RBM47: variants seen among roughly 807,000 people sequenced by gnomAD.
The protein encoded by RBM47 is RNA-binding protein 47.
RBM47 carries 21 observed loss-of-function variants against 47.1 expected under a neutral mutation model. The ratio of observed to expected loss-of-function variants is 0.45; its 90% CI spans 0.32 to 0.64. RBM47 has a LOEUF of 0.64. Ranked by LOEUF, RBM47 falls within the 30% of genes least tolerant of loss-of-function variation. RBM47 has a pLI of 0.05. For missense variants in RBM47, 708 were observed against 870.9 expected, an observed-to-expected ratio of 0.81 and a Z score of 2.35; for synonymous variants, 375 against 361.7, an observed-to-expected ratio of 1.04 and a Z score of -0.42.
At chr4:40,544,748 T>C (rs1401515197) in intron 1 of RBM47, among the ~76,000 whole-genome samples, 1 of 152,028 alleles carries the variant, frequency 6.6e-6, no homozygotes, top group Non-Finnish European at 1.5e-5. Context: ...TTCATATTAA[T>C]TAAAAGACAC....
intron 1 of RBM47, among the ~76,000 whole-genome samples, chr4:40,579,371 G>A (rs184370948): frequency 1.5e-3 from 192 of 129,310 alleles, no homozygotes; most frequent in African/African-American, 5.3e-3. Context: ...GTAGTGAGTC[G>A]AGATCATGCC....
chr4:40,616,746 C>T (rs990837986), intron 1 of RBM47, among the ~76,000 whole-genome samples: 5 of 151,768 alleles, frequency 3.3e-5, no homozygotes, highest in African/African-American at 1.2e-4. Flanking sequence ...AAGAGACACA[C>T]AAGAAATACA....
intron 3 of RBM47, among the ~76,000 whole-genome samples, chr4:40,439,388 A>C (rs551216313): frequency 6.6e-6 from 1 of 152,230 alleles, no homozygotes; most frequent in Non-Finnish European, 1.5e-5. Flanking sequence ...ATGGAAATAC[A>C]GTGAAGATTT....
chr4:40,542,194 T>C (rs1489303950), intron 2 of RBM47, among the ~76,000 whole-genome samples: 1 of 152,234 alleles, frequency 6.6e-6, no homozygotes, highest in African/African-American at 2.4e-5. Flanking sequence ...ATCATCAGTC[T>C]GAAATCAATC....
intron 1 of RBM47, among the ~76,000 whole-genome samples, chr4:40,592,937 A>ATG (rs1336760752): frequency 2.1e-4 from 1 of 4,652 alleles, no homozygotes; most frequent in Non-Finnish European, 4.2e-4. Flanking sequence ...AATTTGGGAC[A>ATG]TATATATATA....
At chr4:40,519,807 C>A (rs1726019850) in intron 2 of RBM47, among the ~76,000 whole-genome samples, 2 of 151,760 alleles carry the variant, frequency 1.3e-5, no homozygotes, top group Non-Finnish European at 2.9e-5. Flanking sequence ...GTAGATGGGA[C>A]AACAGGCGCC....
chr4:40,584,364 A>G (rs938248278), intron 1 of RBM47, among the ~76,000 whole-genome samples: 20 of 152,330 alleles, frequency 1.3e-4, no homozygotes, highest in Admixed American at 1.2e-3. Context: ...CTTCCACTCC[A>G]ATCCATCAGA....
chr4:40,500,791 T>C (rs983294254), intron 2 of RBM47, among the ~76,000 whole-genome samples: 2 of 152,168 alleles, frequency 1.3e-5, no homozygotes, highest in African/African-American at 4.8e-5. Context: ...TAGCAACTTT[T>C]CTTATGCTTT....
intron 1 of RBM47, among the ~76,000 whole-genome samples, chr4:40,606,543 G>A (rs890514568): frequency 3.3e-5 from 5 of 152,064 alleles, no homozygotes; most frequent in African/African-American, 7.3e-5. Flanking sequence ...TTTCACCGAC[G>A]GCCCGCCTGG....
intron 2 of RBM47, among the ~76,000 whole-genome samples, chr4:40,533,303 G>A (rs950042844): frequency 3.9e-5 from 6 of 151,918 alleles, no homozygotes; most frequent in African/African-American, 1.2e-4. Flanking sequence ...GTGTGGTGGT[G>A]CATGCCTGTA....
At chr4:40,535,942 C>T (rs1336107155) in intron 2 of RBM47, among the ~76,000 whole-genome samples, 4 of 152,124 alleles carry the variant, frequency 2.6e-5, no homozygotes, top group Non-Finnish European at 5.9e-5. Flanking sequence ...CTCAGGTGAT[C>T]CACCCGCCTT....
At chr4:40,473,241 T>C (rs1719165858) in intron 2 of RBM47, among the ~76,000 whole-genome samples, 1 of 152,220 alleles carries the variant, frequency 6.6e-6, no homozygotes, top group Non-Finnish European at 1.5e-5. Context: ...AGATCTATGA[T>C]GCTACTCATT....
chr4:40,536,713 G>A (rs1433601582), intron 2 of RBM47, among the ~76,000 whole-genome samples: 1 of 141,610 alleles, frequency 7.1e-6, no homozygotes, highest in African/African-American at 2.8e-5. Context: ...GTGTGTGTGT[G>A]TGTGTTTTTG....
intron 2 of RBM47, among the ~76,000 whole-genome samples, chr4:40,510,923 C>A (rs777693101): frequency 2.6e-5 from 4 of 152,104 alleles, no homozygotes; most frequent in Non-Finnish European, 4.4e-5. Context: ...TACAAAGAGT[C>A]AACAGGCACT....
chr4:40,529,931 CTTT>C (rs1184871315), intron 2 of RBM47, among the ~76,000 whole-genome samples: 1 of 124,486 alleles, frequency 8.0e-6, no homozygotes, highest in East Asian at 2.4e-4. Flanking sequence ...ATTAGACCCC[CTTT>C]TTTTTTTTTT....
chr4:40,576,938 C>A (rs948508773), intron 1 of RBM47, among the ~76,000 whole-genome samples: 1 of 152,140 alleles, frequency 6.6e-6, no homozygotes, highest in Admixed American at 6.5e-5. Context: ...GGTCACAGAG[C>A]TGGTGGAGCT....
intron 1 of RBM47, among the ~76,000 whole-genome samples, chr4:40,614,266 A>G (rs745413953): frequency 2.6e-5 from 4 of 152,140 alleles, no homozygotes; most frequent in Non-Finnish European, 5.9e-5. Context: ...CTTCAACATC[A>G]AATGAACCAG....
rs555404281 is a variant in RBM47, at chr4:40,524,073, T to C, written c.-155+20349A>G. Among the ~76,000 whole-genome samples, 5 of 152,320 alleles carry C rather than the reference T, an allele frequency of 3.3e-5. No individual in the cohort carries two copies. The East Asian group carries it at 7.7e-4, about 23-fold the overall frequency. On this transcript the variant is annotated intron_variant, in intron 2 of 6. Transcript: ENST00000295971. ...AGCCAATTGAGTGCCCTGTATCTTA[T>C]CTGTCTGTGAAGATGTCCAGAGTCC...
chr4:40,479,143 T>A (rs1176486613), intron 2 of RBM47, among the ~76,000 whole-genome samples: 1 of 152,218 alleles, frequency 6.6e-6, no homozygotes, highest in Admixed American at 6.5e-5. Flanking sequence ...CACAAGCCTA[T>A]ATGATTAAAG....
Sources: allele counts gnomAD v4.1 joint callset (sites outside exome capture counted in the v4.1 genomes callset), GRCh38; gene constraint gnomAD v4.1.1; transcripts MANE v1.5; gene names NCBI Gene and HGNC (gene_info 2026-07-23, HGNC 2026-07-21).